AGBL4: variants seen among roughly 807,000 people sequenced by gnomAD.
The protein encoded by AGBL4 is cytosolic carboxypeptidase 6.
A neutral mutation model predicts 66.4 loss-of-function variants in AGBL4; 58 were observed. That is an observed-to-expected ratio of 0.87 (90% CI 0.71 to 1.09). The LOEUF is 1.09. AGBL4 is among the 50% of genes least tolerant of loss of function. The pLI is 0.00. For synonymous variants in AGBL4, 234 were observed against 222.9 expected (o/e 1.05, Z -0.44); for missense variants, 579 against 631.0 (o/e 0.92, Z 0.88).
At chr1:49,948,794 C>T (rs749274539) in intron 1 of AGBL4, among the ~76,000 whole-genome samples, 4 of 151,020 alleles carry the variant, frequency 2.6e-5, no homozygotes, top group South Asian at 4.2e-4. Flanking sequence ...AGTGCAATTC[C>T]CATCAAAATA....
At chr1:48,838,917 G>T (rs1395546083) in intron 6 of AGBL4, among the ~76,000 whole-genome samples, 1 of 151,998 alleles carries the variant, frequency 6.6e-6, no homozygotes, top group African/African-American at 2.4e-5. Context: ...TGGCCAACAG[G>T]TATAAAATGC....
chr1:49,025,349 A>T (rs527716016), intron 5 of AGBL4, among the ~76,000 whole-genome samples: 47 of 152,218 alleles, frequency 3.1e-4, no homozygotes, highest in South Asian at 1.0e-3. Flanking sequence ...CCAGCACAGA[A>T]AGAGAGAGAG....
intron 6 of AGBL4, among the ~76,000 whole-genome samples, chr1:48,848,438 G>T (rs894484389): frequency 3.9e-5 from 6 of 152,158 alleles, no homozygotes; most frequent in African/African-American, 1.4e-4. Flanking sequence ...AAGGTTATTT[G>T]AAGGTTGATT....
At chr1:49,353,441 T>C (rs539798585) in intron 3 of AGBL4, among the ~76,000 whole-genome samples, 1 of 152,276 alleles carries the variant, frequency 6.6e-6, no homozygotes, top group South Asian at 2.1e-4. Context: ...ACAATTATTG[T>C]GATTAATAAA....
chr1:49,906,360 A>G (rs12403905), intron 1 of AGBL4, among the ~76,000 whole-genome samples: 78,571 of 151,926 alleles, frequency 0.52, 21,636 homozygotes, highest in Non-Finnish European at 0.62. Flanking sequence ...CCTTAGAGAT[A>G]ATCTCTCTTT....
chr1:49,138,346 A>T (rs1379647937), intron 4 of AGBL4, among the ~76,000 whole-genome samples: 2 of 152,304 alleles, frequency 1.3e-5, no homozygotes, highest in South Asian at 4.1e-4. Flanking sequence ...AGAAATATGT[A>T]GTGGTCAATA....
chr1:48,656,142 C>A (rs1432061206), intron 7 of AGBL4, among the ~76,000 whole-genome samples: 2 of 152,176 alleles, frequency 1.3e-5, no homozygotes, highest in African/African-American at 4.8e-5. Context: ...CTGGAGAGGC[C>A]AGAAGAGAAG....
At chr1:49,440,930 C>T (rs1380650236) in intron 3 of AGBL4, among the ~76,000 whole-genome samples, 1 of 152,116 alleles carries the variant, frequency 6.6e-6, no homozygotes, top group South Asian at 2.1e-4. Flanking sequence ...GCTTCCCCAT[C>T]CCCAGTAGTG....
intron 3 of AGBL4, among the ~76,000 whole-genome samples, chr1:49,481,852 C>T (rs1646962584): frequency 6.6e-6 from 1 of 151,374 alleles, no homozygotes; most frequent in African/African-American, 2.4e-5. Context: ...GAAATTTTAT[C>T]AAAAGGCTTT....
intron 2 of AGBL4, among the ~76,000 whole-genome samples, chr1:49,741,998 G>A (rs1194366801): frequency 1.3e-5 from 2 of 152,166 alleles, no homozygotes; most frequent in African/African-American, 2.4e-5. Flanking sequence ...CACAAGACAG[G>A]GATGCCCTCT....
chr1:49,674,153 A>C (rs1646535064), intron 3 of AGBL4, among the ~76,000 whole-genome samples: 1 of 152,126 alleles, frequency 6.6e-6, no homozygotes, highest in African/African-American at 2.4e-5. Context: ...ACGAAAATTG[A>C]GAAACAGCTT....
chr1:49,723,118 C>A (rs1315712457), intron 2 of AGBL4, among the ~76,000 whole-genome samples: 1 of 152,086 alleles, frequency 6.6e-6, no homozygotes, highest in Non-Finnish European at 1.5e-5. Flanking sequence ...CAATGACAAT[C>A]CCTGAAAAAC....
At chr1:48,855,160 T>C (rs2355689) in intron 6 of AGBL4, among the ~76,000 whole-genome samples, 130,448 of 152,102 alleles carry the variant, frequency 0.86, 57,298 homozygotes, top group Non-Finnish European at 0.96. Context: ...TCTTAACCAG[T>C]TCTTTCCTGA....
intron 6 of AGBL4, among the ~76,000 whole-genome samples, chr1:48,816,366 C>A (rs1356041962): frequency 6.6e-6 from 1 of 152,038 alleles, no homozygotes; most frequent in East Asian, 1.9e-4. Context: ...GGCAGAACAG[C>A]CAGATTTTGC....
intron 6 of AGBL4, among the ~76,000 whole-genome samples, chr1:48,733,790 C>T (rs540061789): frequency 1.1e-4 from 16 of 152,052 alleles, no homozygotes; most frequent in South Asian, 4.2e-4. Context: ...TTTGGTCAGG[C>T]GATCAGCTTG....
At chr1:49,859,937 A>C (rs1156806531) in intron 1 of AGBL4, among the ~76,000 whole-genome samples, 1 of 152,202 alleles carries the variant, frequency 6.6e-6, no homozygotes, top group Non-Finnish European at 1.5e-5. Flanking sequence ...TCTCTATATA[A>C]TTAGCAATAA....
At chr1:49,097,672 C>T (rs1463432208) in intron 4 of AGBL4, among the ~76,000 whole-genome samples, 2 of 152,232 alleles carry the variant, frequency 1.3e-5, no homozygotes, top group Admixed American at 6.5e-5. Flanking sequence ...CCTCTACCTC[C>T]GAGGTTGAAG....
intron 1 of AGBL4, among the ~76,000 whole-genome samples, chr1:49,875,230 T>C (rs1303674592): frequency 2.7e-5 from 4 of 149,682 alleles, no homozygotes; most frequent in African/African-American, 9.9e-5. Context: ...TATGTATACA[T>C]ATGCCATGCT....
intron 3 of AGBL4, among the ~76,000 whole-genome samples, chr1:49,516,938 A>G (rs1011953383): frequency 6.6e-6 from 1 of 152,064 alleles, no homozygotes; most frequent in African/African-American, 2.4e-5. Flanking sequence ...TGTTTCATAT[A>G]ATAAAAACGA....
Sources: gnomAD v4.1 joint callset for allele counts (sites outside exome capture counted in the v4.1 genomes callset) on GRCh38, gnomAD v4.1.1 for gene constraint, MANE v1.5 for transcripts, NCBI Gene and HGNC (gene_info 2026-07-23, HGNC 2026-07-21) for gene names.